The following INIP variants were observed in gnomAD, a reference collection of about 807,000 sequenced individuals.
INIP encodes INTS3 and NABP interacting protein, also known as SOSS complex subunit C.
Under a neutral mutation model 14.0 loss-of-function variants are expected in INIP, and 9 were observed. The ratio of observed to expected loss-of-function variants is 0.64; its 90% confidence interval spans 0.39 to 1.12. The LOEUF is 1.12. Ranked by LOEUF, INIP falls within the 50% of genes most tolerant of loss-of-function variation. The pLI is 0.01. For missense variants in INIP, 78 were observed against 122.7 expected, an observed-to-expected ratio of 0.64 and a Z score of 1.72; for synonymous variants, 37 against 41.5, an observed-to-expected ratio of 0.89 and a Z score of 0.41.
At position 112,685,741 on chromosome 9, in the gene INIP, T is replaced by C. The variant is rs1420197881; in HGVS notation, c.*1797A>G. The C allele has an allele frequency of 2.0e-5, 3 of 152,194 alleles. No homozygotes were observed. The highest frequency in any genetic ancestry group is 4.4e-5 in the Non-Finnish European group (3 of 68,050). 9.4% of individuals were successfully genotyped at this position (152,194 alleles called of 1,614,324 possible). A position where few individuals can be genotyped will look rare whatever the true frequency, so the allele number is the denominator to read the frequency against. On this transcript the variant is annotated 3_prime_UTR_variant, in exon 5 of 5. Transcript: ENST00000374242. The stretch of plus-strand genomic sequence containing the variant: ...GAAATCAACTCAAGACAATGAGGGC[T>C]ACCATAAGGAGGCCCAAGGAGTAGT...
Position 112,687,627 on chromosome 9 carries a change from G to A in INIP, c.226C>T (p.His76Tyr). Residue 76 changes from histidine to tyrosine, a missense_variant, in exon 5 of 5, where the codon CAT becomes TAT. By Grantham distance (83) the His-to-Tyr change is moderately conservative. Coordinates refer to ENST00000374242, the MANE Select transcript of INIP (RefSeq NM_021218.3). Reference protein sequence around the residue: ...AQQKAALQHAHAHSSGYFITQ... With the variant: ...AQQKAALQHAYAHSSGYFITQ... ...ATGAAGTATCCAGATGAATGTGCAT[G>A]AGCATGCTGGGAAAGATTAAAAACA... 1 of 1,544,394 alleles carries A rather than the reference G, an allele frequency of 6.5e-7. No individual in the cohort carries two copies. Among genetic ancestry groups the A allele is most frequent in the Non-Finnish European group, 8.8e-7 (1 of 1,131,458 alleles).
chr9:112,691,739 G>T (rs555854486), intron 3 of INIP, among the ~76,000 whole-genome samples: 1 of 152,372 alleles, frequency 6.6e-6, no homozygotes, highest in South Asian at 2.1e-4. Flanking sequence ...GCCGGGTGCA[G>T]CGGCTCACGC....
intron 2 of INIP, among the ~76,000 whole-genome samples, chr9:112,706,225 A>G (rs1452977913): frequency 6.6e-6 from 1 of 152,214 alleles, no homozygotes; most frequent in Non-Finnish European, 1.5e-5. Context: ...GGATGTGGAG[A>G]AAAGGGAACC....
chr9:112,685,160 C>G lies in INIP; in HGVS notation c.*2378G>C, dbSNP rs1189584439. 6.6e-6 allele frequency: 1 copy of G among 152,462 alleles called. No individual in the cohort carries two copies. Among genetic ancestry groups the G allele is most frequent in the Non-Finnish European group, 1.5e-5 (1 of 68,326 alleles). The allele number at this position is 152,462 out of a possible 1,614,324, so 9.4% of individuals were successfully genotyped here. A position where few individuals can be genotyped will look rare whatever the true frequency, so the allele number is the denominator to read the frequency against. ...TTGTGCAATCATGGCCCACTGCAGC[C>G]TCAACCTCCCAGGCTCAAGCAATCC... On this transcript the variant is annotated 3_prime_UTR_variant, in exon 5 of 5. Transcript: ENST00000374242.
intron 2 of INIP, among the ~76,000 whole-genome samples, chr9:112,715,089 A>T (rs1206899873): frequency 6.6e-6 from 1 of 152,018 alleles, no homozygotes; most frequent in Admixed American, 6.6e-5. Context: ...AGAATCACAA[A>T]TAAAGCCAAT....
At chr9:112,696,701 G>A (rs1432483153) in intron 2 of INIP, among the ~76,000 whole-genome samples, 1 of 152,228 alleles carries the variant, frequency 6.6e-6, no homozygotes, top group African/African-American at 2.4e-5. Flanking sequence ...GGGCCCCCAT[G>A]ACTCACTCCT....
At chr9:112,707,534 C>T (rs1470803885) in intron 2 of INIP, among the ~76,000 whole-genome samples, 1 of 151,384 alleles carries the variant, frequency 6.6e-6, no homozygotes, top group African/African-American at 2.4e-5. Context: ...CCGCACATTT[C>T]TTTGTCACTA....
chr9:112,692,777 G>A (rs1837937073), intron 3 of INIP, among the ~76,000 whole-genome samples: 1 of 151,220 alleles, frequency 6.6e-6, no homozygotes, highest in South Asian at 2.1e-4. Flanking sequence ...AGTGGCTAAC[G>A]CTTGTAATCC....
At position 112,685,476 on chromosome 9, in the gene INIP, TGGAGA is replaced by T. The variant is rs1837627439; in HGVS notation, c.*2057_*2061del. 1 of 151,602 alleles carries T rather than the reference TGGAGA, an allele frequency of 6.6e-6. No homozygotes were observed. The highest frequency in any genetic ancestry group is 1.5e-5 in the Non-Finnish European group (1 of 67,916). The allele number at this position is 151,602 out of a possible 1,614,324, so 9.4% of individuals were successfully genotyped here. A position where few individuals can be genotyped will look rare whatever the true frequency, so the allele number is the denominator to read the frequency against. On this transcript the variant is annotated 3_prime_UTR_variant, in exon 5 of 5. Coordinates refer to ENST00000374242, the MANE Select transcript of INIP (RefSeq NM_021218.3). Reference sequence around the variant, plus strand: ...GAATTTGTAACTCAAAGCAGAGGGGTGGAGAGAAGTGCTTCCTAGCCAGGAATACA... The same window carrying T: ...GAATTTGTAACTCAAAGCAGAGGGGTGAAGTGCTTCCTAGCCAGGAATACA...
intron 2 of INIP, among the ~76,000 whole-genome samples, chr9:112,702,728 C>T (rs1838339189): frequency 6.6e-6 from 1 of 152,078 alleles, no homozygotes; most frequent in Non-Finnish European, 1.5e-5. Flanking sequence ...CCACACCTGG[C>T]TAATTTTTGT....
At chr9:112,708,602 T>C (rs1464270779) in intron 2 of INIP, among the ~76,000 whole-genome samples, 1 of 152,198 alleles carries the variant, frequency 6.6e-6, no homozygotes. Flanking sequence ...TTACCCAAAA[T>C]TCGTGGCTTA....
chr9:112,711,309 C>A (rs1838642631), intron 2 of INIP, among the ~76,000 whole-genome samples: 4 of 152,118 alleles, frequency 2.6e-5, no homozygotes. Context: ...GCAGCAGTTC[C>A]ATGACATCAA....
intron 2 of INIP, among the ~76,000 whole-genome samples, chr9:112,697,154 C>T (rs992246088): frequency 1.3e-5 from 2 of 152,160 alleles, no homozygotes; most frequent in African/African-American, 4.8e-5. Flanking sequence ...ACAAAAGATG[C>T]TCCCATCACC....
At chr9:112,716,021 T>C (rs527410691) in intron 2 of INIP, among the ~76,000 whole-genome samples, 1 of 152,290 alleles carries the variant, frequency 6.6e-6, no homozygotes, top group South Asian at 2.1e-4. Context: ...AACATCATTA[T>C]TCAGCACAAG....
In INIP at chr9:112,716,463, T is replaced by C; in HGVS notation, c.23A>G (p.Gln8Arg). Residue 8 changes from glutamine (Q) to arginine (R), a missense_variant and splice_region_variant, in exon 2 of 5, where the codon CAA becomes CGA. Coordinates refer to ENST00000374242, the MANE Select transcript of INIP (RefSeq NM_021218.3). The stretch of plus-strand genomic sequence containing the variant: ...AAAGAAATTCCTGCTGTCATTACCT[T>C]GTCCTGAAGAGTTTGCTGCCATTTT... The part of the protein sequence containing the change: MAANSSG[Q>R]GFQNKNRVAI... The C allele has an allele frequency of 6.2e-7, 1 of 1,613,660 alleles. No homozygotes were observed. Among genetic ancestry groups the C allele is most frequent in the Non-Finnish European group, 8.5e-7 (1 of 1,179,600 alleles).
chr9:112,709,072 C>T (rs1278305497), intron 2 of INIP, among the ~76,000 whole-genome samples: 1 of 151,960 alleles, frequency 6.6e-6, no homozygotes, highest in Non-Finnish European at 1.5e-5. Context: ...TCTCTTTCAC[C>T]TAGACCTAAG....
At chr9:112,717,282 C>T (rs1838854813) in intron 1 of INIP, among the ~76,000 whole-genome samples, 1 of 152,164 alleles carries the variant, frequency 6.6e-6, no homozygotes, top group South Asian at 2.1e-4. Context: ...TAAAGGAGTA[C>T]TGTATCTGCT....
intron 2 of INIP, among the ~76,000 whole-genome samples, chr9:112,714,957 T>C (rs191674194): frequency 6.6e-6 from 1 of 152,298 alleles, no homozygotes; most frequent in Non-Finnish European, 1.5e-5. Context: ...CTGTACTGAA[T>C]AGTGTAGGCA....
intron 2 of INIP, among the ~76,000 whole-genome samples, chr9:112,703,389 G>A (rs1466707242): frequency 6.6e-6 from 1 of 152,144 alleles, no homozygotes; most frequent in African/African-American, 2.4e-5. Context: ...ACTCCATGTT[G>A]AACAGATTTT....
Sources: allele counts gnomAD v4.1 joint callset (sites outside exome capture counted in the v4.1 genomes callset), GRCh38; gene constraint gnomAD v4.1.1; transcripts MANE v1.5; gene names NCBI Gene and HGNC (gene_info 2026-07-23, HGNC 2026-07-21).